The following TRIM22 variants were observed in gnomAD, a reference collection of about 807,000 sequenced individuals.
TRIM22 encodes E3 ubiquitin-protein ligase TRIM22.
A neutral mutation model predicts 53.6 loss-of-function variants in TRIM22; 45 were observed. The ratio of observed to expected loss-of-function variants is 0.84; its 90% CI spans 0.66 to 1.08. TRIM22 has a LOEUF of 1.08. TRIM22 is among the 50% of genes least tolerant of loss of function. TRIM22 has a pLI of 0.00. For synonymous variants in TRIM22, 225 were observed against 216.6 expected (o/e 1.04, Z -0.34); for missense variants, 616 against 590.9 (o/e 1.04, Z -0.44).
rs765016285 is a variant in TRIM22 at position 5,696,292 on chromosome 11, GC to G, written c.61del (p.Leu21SerfsTer2). ...AGGTGACCTGCCCCATCTGCCTGGAGCTCCTGACAGAACCTCTGAGCCTAGA... is the reference window on the plus strand; with the variant it reads ...AGGTGACCTGCCCCATCTGCCTGGAGTCCTGACAGAACCTCTGAGCCTAGA... ...KEVTCPICLELLTEPLSLDCG... is the reference protein window; with the variant it reads ...KEVTCPICLEXLTEPLSLDCG... On this transcript the variant is annotated frameshift_variant, in exon 2 of 8. Transcript: ENST00000379965. LOFTEE classifies it high-confidence loss of function. The G allele has an allele frequency of 1.2e-6, 2 of 1,614,144 alleles. No homozygotes were observed. Among genetic ancestry groups the G allele is most frequent in the Non-Finnish European group, 1.7e-6 (2 of 1,179,978 alleles).
rs760583522 is a variant in TRIM22, at chr11:5,708,228, G to A, written c.829G>A (p.Val277Ile). Residue 277 changes from valine (V) to isoleucine (I), a missense_variant, in exon 6 of 8, where the codon GTA (valine) becomes ATA (isoleucine). Coordinates refer to ENST00000379965, the MANE Select transcript of TRIM22 (RefSeq NM_006074.5). ...ATCTGTTTCCAAGAAACTAAAGAGT[G>A]TATTCCGAGTACCAGATCTGAGTGG... ...PKSVSKKLKS[V>I]FRVPDLSGML... The A allele has an allele frequency of 1.9e-6, 3 of 1,614,226 alleles. No individual in the cohort carries two copies. The highest frequency in any genetic ancestry group is 2.5e-6 in the Non-Finnish European group (3 of 1,180,028).
At chr11:5,692,120 T>C (rs182616094) in intron 1 of TRIM22, among the ~76,000 whole-genome samples, 11 of 152,090 alleles carry the variant, frequency 7.2e-5, no homozygotes, top group Admixed American at 4.6e-4. Flanking sequence ...AAACACGCAG[T>C]CAAAAAAAGG....
chr11:5,698,423 G>A lies in TRIM22; in HGVS notation c.628G>A (p.Val210Met), dbSNP rs1398877069. 2 of 1,614,212 alleles carry A rather than the reference G, an allele frequency of 1.2e-6. No homozygotes were observed. Among genetic ancestry groups the A allele is most frequent in the Non-Finnish European group, 8.5e-7 (1 of 1,180,028 alleles). ...RELQKLEEGEVNVLDNLAAAT... is the reference protein window; with the variant it reads ...RELQKLEEGEMNVLDNLAAAT... ...GCTGCAAAAGCTGGAGGAAGGTGAGGTGAATGTGCTGGATAACCTGGCAGC... is the reference window on the plus strand; with the variant it reads ...GCTGCAAAAGCTGGAGGAAGGTGAGATGAATGTGCTGGATAACCTGGCAGC... Residue 210 changes from valine (V) to methionine (M), a missense_variant, in exon 4 of 8, where the codon GTG (valine) becomes ATG (methionine). Transcript: ENST00000379965.
Position 5,709,086 on chromosome 11 carries a change from C to A in TRIM22, c.935C>A (p.Ser312Ter), listed in dbSNP as rs370283523. 6.8e-6 allele frequency: 11 copies of A among 1,613,612 alleles called. No homozygotes were observed. The highest frequency in any genetic ancestry group is 1.3e-5 in the African/African-American group (1 of 74,902). ...DVMLNPGSAT[S>*]NVAISVDQRQ... The stretch of plus-strand genomic sequence containing the variant: ...ATGCTGAATCCAGGCAGTGCCACTT[C>A]GAATGTTGCTATTTCTGTGGATCAG... The change falls in exon 8 of 8, where the codon TCG becomes TAG. Residue 312 changes from serine to a stop codon, truncating the protein, a stop_gained. Coordinates refer to ENST00000379965, the MANE Select transcript of TRIM22 (RefSeq NM_006074.5). LOFTEE classifies it high-confidence loss of function.
chr11:5,701,933 A>G (rs1490237663), intron 4 of TRIM22, among the ~76,000 whole-genome samples: 4 of 151,966 alleles, frequency 2.6e-5, no homozygotes, highest in Middle Eastern at 6.8e-3. Flanking sequence ...TATTGACCGT[A>G]CTTGCTCTTT....
At chr11:5,704,760 C>T (rs1853432357) in intron 4 of TRIM22, among the ~76,000 whole-genome samples, 1 of 151,906 alleles carries the variant, frequency 6.6e-6, no homozygotes, top group South Asian at 2.1e-4. Context: ...AGTTTTATAT[C>T]TTTAGGTCTT....
chr11:5,699,296 G>A (rs914776801), intron 4 of TRIM22, among the ~76,000 whole-genome samples: 13 of 127,508 alleles, frequency 1.0e-4, no homozygotes, highest in East Asian at 6.0e-4. Context: ...AGGCCGAGGC[G>A]GGTGGATCAT....
At position 5,693,458 on chromosome 11, in the gene TRIM22, C is replaced by T. The variant is rs376453067; in HGVS notation, c.-66-2709C>T. Reference sequence around the variant, plus strand: ...TGAATAGGCCGGGCGCGGTGGCTCACGCCAGTAATCCCAGCACTTTGGGAG... The same window carrying T: ...TGAATAGGCCGGGCGCGGTGGCTCATGCCAGTAATCCCAGCACTTTGGGAG... On this transcript the variant is annotated intron_variant, in intron 1 of 7. Coordinates refer to ENST00000379965, the MANE Select transcript of TRIM22 (RefSeq NM_006074.5). Among the ~76,000 whole-genome samples, 90 of 151,898 alleles carry T rather than the reference C, an allele frequency of 5.9e-4. No homozygotes were observed. The East Asian group carries it at 0.012, about 20-fold the overall frequency.
At chr11:5,697,207 A>G in intron 2 of TRIM22, 41 bp from the exon 3 acceptor site, 1 of 1,491,490 alleles carries the variant, frequency 6.7e-7, no homozygotes, top group Non-Finnish European at 9.1e-7. Flanking sequence ...AGGTGCTGAG[A>G]AAGCTCATAA....
chr11:5,701,489 T>C (rs1427165856), intron 4 of TRIM22, among the ~76,000 whole-genome samples: 2 of 152,262 alleles, frequency 1.3e-5, no homozygotes, highest in Non-Finnish European at 2.9e-5. Context: ...GAATGTGTTA[T>C]AGCTTGGTTA....
chr11:5,703,245 T>C (rs1236959173), intron 4 of TRIM22, among the ~76,000 whole-genome samples: 1 of 152,202 alleles, frequency 6.6e-6, no homozygotes, highest in Non-Finnish European at 1.5e-5. Context: ...TCCATATTTA[T>C]GTCCACGTAT....
chr11:5,694,784 GTGT>G (rs1853230684), intron 1 of TRIM22, among the ~76,000 whole-genome samples: 1 of 152,170 alleles, frequency 6.6e-6, no homozygotes, highest in Non-Finnish European at 1.5e-5. Context: ...TCCTATTATG[GTGT>G]TGGTGGTGGT....
chr11:5,703,444 G>A (rs1373714288), intron 4 of TRIM22, among the ~76,000 whole-genome samples: 3 of 151,208 alleles, frequency 2.0e-5, no homozygotes, highest in South Asian at 2.1e-4. Flanking sequence ...GGAGAGCAGT[G>A]GCGCAATCTT....
intron 4 of TRIM22, among the ~76,000 whole-genome samples, chr11:5,701,115 T>TG (rs543072504): frequency 1.4e-3 from 218 of 152,332 alleles, no homozygotes; most frequent in African/African-American, 5.1e-3. Flanking sequence ...AACGTACTGT[T>TG]GAGAATTTTT....
In TRIM22 at chr11:5,698,385, A is replaced by G. The variant is rs765687978; in HGVS notation, c.590A>G (p.Glu197Gly). 1.2e-6 allele frequency: 2 copies of G among 1,614,226 alleles called. No homozygotes were observed. Among genetic ancestry groups the G allele is most frequent in the South Asian group, 1.1e-5 (1 of 91,090 alleles). The part of the protein sequence containing the change: ...FNEMRVILDN[E>G]EQRELQKLEE... ...GAAATGAGAGTCATCTTGGACAATG[A>G]GGAGCAGAGAGAGCTGCAAAAGCTG... The change falls in exon 4 of 8, where the codon GAG becomes GGG. Residue 197 changes from glutamate (E) to glycine (G), a missense_variant. Transcript: ENST00000379965.
chr11:5,703,749 G>T (rs1853413540), intron 4 of TRIM22, among the ~76,000 whole-genome samples: 1 of 151,924 alleles, frequency 6.6e-6, no homozygotes, highest in Non-Finnish European at 1.5e-5. Flanking sequence ...TGTTTATCCA[G>T]TCTACTATTG....
chr11:5,697,139 T>C, intron 2 of TRIM22, 109 bp from the exon 3 acceptor site: 1 of 759,968 alleles, frequency 1.3e-6, no homozygotes, highest in Non-Finnish European at 2.1e-6. Context: ...GCCTCACTGT[T>C]TCTGTAAACT....
chr11:5,690,976 T>C (rs1853163553), intron 1 of TRIM22: 1 of 152,252 alleles, frequency 6.6e-6, no homozygotes, highest in Non-Finnish European at 1.5e-5. Flanking sequence ...TGTCCATAGC[T>C]TTCCTGATAA....
intron 4 of TRIM22, among the ~76,000 whole-genome samples, chr11:5,704,756 A>G (rs1003226470): frequency 6.6e-6 from 1 of 152,010 alleles, no homozygotes; most frequent in Non-Finnish European, 1.5e-5. Flanking sequence ...TAGGAGTTTT[A>G]TATCTTTAGG....
Sources: allele counts gnomAD v4.1 joint callset (sites outside exome capture counted in the v4.1 genomes callset), GRCh38; gene constraint gnomAD v4.1.1; transcripts MANE v1.5; gene names NCBI Gene and HGNC (gene_info 2026-07-23, HGNC 2026-07-21).